LPA: variants seen among roughly 807,000 people sequenced by gnomAD.
LPA encodes the protein apolipoprotein(a).
In LPA, 199 loss-of-function variants were observed where a neutral mutation model predicts 197.9. The ratio of observed to expected loss-of-function variants is 1.01; its 90% CI spans 0.90 to 1.13. The LOEUF is 1.13. LPA is among the 50% of genes most tolerant of loss of function. The pLI, the probability that LPA is intolerant of heterozygous loss-of-function variation, is 0.00. For missense variants in LPA, 1,853 were observed against 1,785.8 expected (o/e 1.04, Z -0.68); for synonymous variants, 715 against 639.5 (o/e 1.12, Z -1.78).
intron 23 of LPA, among the ~76,000 whole-genome samples, chr6:160,590,154 G>T (rs565642190): frequency 1.3e-5 from 2 of 152,272 alleles, no homozygotes; most frequent in Admixed American, 1.3e-4. Context: ...TTAAGTTTCT[G>T]GAAGATGGGG....
At chr6:160,537,467 A>T (rs1777911630) in intron 37 of LPA, among the ~76,000 whole-genome samples, 1 of 152,214 alleles carries the variant, frequency 6.6e-6, no homozygotes, top group Admixed American at 6.5e-5. Flanking sequence ...TTCACATGAA[A>T]AATAATCTAA....
At chr6:160,589,872 G>C (rs144322028) in intron 23 of LPA, among the ~76,000 whole-genome samples, 160 bp from the exon 24 acceptor site, 9 of 152,208 alleles carry the variant, frequency 5.9e-5, no homozygotes, top group Admixed American at 4.6e-4. Context: ...AAAGCTCAAA[G>C]ATTCATAGCA....
At chr6:160,543,265 C>G (rs1778014373) in intron 33 of LPA, among the ~76,000 whole-genome samples, 1 of 152,156 alleles carries the variant, frequency 6.6e-6, no homozygotes, top group African/African-American at 2.4e-5. Flanking sequence ...CTCCTCCCTG[C>G]CTTCTCTCTG....
intron 1 of LPA, among the ~76,000 whole-genome samples, chr6:160,661,195 T>C (rs535655381): frequency 6.6e-6 from 1 of 152,334 alleles, no homozygotes; most frequent in East Asian, 1.9e-4. Flanking sequence ...CAAAAGAGGC[T>C]AATAAAATGA....
rs771903485 is a variant in LPA at position 160,553,954 on chromosome 6, T to TGTGTGTGTGTGC, written c.4973+2070_4973+2071insGCACACACACAC. 5.8e-3 allele frequency among the ~76,000 whole-genome samples: 753 copies of TGTGTGTGTGTGC among 130,782 alleles called. 12 individuals are homozygous for TGTGTGTGTGTGC. Among genetic ancestry groups the TGTGTGTGTGTGC allele is most frequent in the African/African-American group, 0.021 (681 of 33,062 alleles). 85.8% of individuals were successfully genotyped at this position (130,782 alleles called of 152,430 possible). A position where few individuals can be genotyped will look rare whatever the true frequency, so the allele number is the denominator to read the frequency against. On this transcript the variant is annotated intron_variant, in intron 30 of 38. Coordinates refer to ENST00000316300, the MANE Select transcript of LPA (RefSeq NM_005577.4). ...CTCTCTCTCTGTGTGTGTGTGTGTG[T>TGTGTGTGTGTGC]GCGCGCGCGCGCGTGTGCGTGTGTG...
chr6:160,534,097 A>ATTTT (rs758917475), intron 37 of LPA, among the ~76,000 whole-genome samples: 1,620 of 143,634 alleles, frequency 0.011, 16 homozygotes, highest in Non-Finnish European at 0.018. Context: ...GTGTCAGAAA[A>ATTTT]CTGACACCGA....
chr6:160,553,725 T>C (rs1224828039), intron 30 of LPA, among the ~76,000 whole-genome samples: 2 of 152,228 alleles, frequency 1.3e-5, no homozygotes, highest in Non-Finnish European at 2.9e-5. Context: ...TCATTGAGCT[T>C]CTTGACTGTG....
intron 28 of LPA, among the ~76,000 whole-genome samples, chr6:160,567,028 C>T (rs894198682): frequency 6.6e-6 from 1 of 152,132 alleles, no homozygotes; most frequent in African/African-American, 2.4e-5. Context: ...GACTTAGACT[C>T]CCACACAATA....
intron 28 of LPA, among the ~76,000 whole-genome samples, chr6:160,562,925 ATTC>A (rs1398688334): frequency 1.3e-5 from 2 of 151,954 alleles, no homozygotes; most frequent in African/African-American, 4.8e-5. Flanking sequence ...CCCCTTTATT[ATTC>A]TTTATTGTGT....
chr6:160,663,992 AC>A lies in LPA; in HGVS notation c.49+173del, dbSNP rs41269846. On this transcript the variant is annotated intron_variant, in intron 1 of 38. Transcript: ENST00000316300. ...TCATTCCAGCACCGTGACAGTCTTC[AC>A]GGGGAAATTAAACTTATTTTTTTAA... Among the ~76,000 whole-genome samples the A allele has an allele frequency of 3.7e-3, 567 of 152,346 alleles. 3 individuals carry two copies. The highest frequency in any genetic ancestry group is 0.013 in the African/African-American group (535 of 41,580).
Position 160,586,724 on chromosome 6 carries a change from A to C in LPA, c.3948-94T>G, listed in dbSNP as rs1778919701. On this transcript the variant is annotated intron_variant, in intron 24 of 38. Transcript: ENST00000316300. ...TGTTTTCTTGTAACAAAGTGTAAAC[A>C]AGCAAATTTGAAATATTCTCACTAA... 4 of 1,567,686 alleles carry C rather than the reference A, an allele frequency of 2.6e-6. No individual in the cohort carries two copies. In the African/African-American group the frequency reaches 4.1e-5, roughly 16 times the overall value.
At chr6:160,553,537 T>C (rs892197609) in intron 30 of LPA, among the ~76,000 whole-genome samples, 1 of 152,204 alleles carries the variant, frequency 6.6e-6, no homozygotes, top group Non-Finnish European at 1.5e-5. Flanking sequence ...TTAAAGATGT[T>C]ATGCCATTGT....
intron 28 of LPA, among the ~76,000 whole-genome samples, chr6:160,574,214 T>C (rs1002031931): frequency 2.0e-5 from 3 of 151,824 alleles, no homozygotes; most frequent in African/African-American, 4.8e-5. Context: ...CCAGCACCCA[T>C]GCAAACTGAA....
intron 28 of LPA, among the ~76,000 whole-genome samples, chr6:160,558,529 A>T (rs1778307863): frequency 6.6e-6 from 1 of 152,204 alleles, no homozygotes; most frequent in African/African-American, 2.4e-5. Context: ...CCCAGACAGG[A>T]TGCCATTTCT....
At position 160,548,544 on chromosome 6, in the gene LPA, C is replaced by A; in HGVS notation, c.5089G>T (p.Glu1697Ter). Residue 1697 changes from glutamate (E) to a stop codon, truncating the protein, a stop_gained, in exon 31 of 39, where the codon GAA becomes TAA. Transcript: ENST00000316300. LOFTEE classifies it high-confidence loss of function. ...YCNLTRCSDT[E>*]GTVVAPPTVI... ...GTCGGAGGAGCGACCACAGTCCCTTCTGTGTCTGAGCATCGCGTCAGGTTG... is the reference window on the plus strand; with the variant it reads ...GTCGGAGGAGCGACCACAGTCCCTTATGTGTCTGAGCATCGCGTCAGGTTG... 1 of 1,614,150 alleles carries A rather than the reference C, an allele frequency of 6.2e-7. No homozygotes were observed. The highest frequency in any genetic ancestry group is 1.1e-5 in the South Asian group (1 of 91,078).
At chr6:160,657,620 A>G (rs1300745908) in intron 1 of LPA, among the ~76,000 whole-genome samples, 2 of 151,906 alleles carry the variant, frequency 1.3e-5, no homozygotes, top group Non-Finnish European at 2.9e-5. Context: ...AATTGTCTCA[A>G]TCTCCTGATC....
At chr6:160,538,767 C>T (rs1469924979) in intron 36 of LPA, among the ~76,000 whole-genome samples, 2 of 152,152 alleles carry the variant, frequency 1.3e-5, no homozygotes, top group African/African-American at 2.4e-5. Flanking sequence ...CCTCATGGAG[C>T]ACTAAATGCC....
In LPA at chr6:160,611,578, C is replaced by G; in HGVS notation, c.2587G>C (p.Glu863Gln). 1 of 1,605,650 alleles carries G rather than the reference C, an allele frequency of 6.2e-7. No homozygotes were observed. The change falls in exon 16 of 39, where the codon GAA (glutamate) becomes CAA (glutamine). Residue 863 changes from glutamate (E) to glutamine (Q), a missense_variant. Glu to Gln is a conservative substitution (Grantham distance 29). Coordinates refer to ENST00000316300, the MANE Select transcript of LPA (RefSeq NM_005577.4). Reference protein sequence around the residue: ...MTPHSHSRTPEYYPNAGLIMN... With the variant: ...MTPHSHSRTPQYYPNAGLIMN... ...AAGACATACGCATTTGGGTAGTATT[C>G]TGGGGTCCGACTATGCGAGTGTGGT...
chr6:160,540,361 A>G (rs1777962137), intron 35 of LPA, among the ~76,000 whole-genome samples, 178 bp from the exon 36 acceptor site: 1 of 152,214 alleles, frequency 6.6e-6, no homozygotes, highest in Non-Finnish European at 1.5e-5. Context: ...TCTGTTCTCA[A>G]TCTGTTTCAT....
Sources: gnomAD v4.1 joint callset for allele counts (sites outside exome capture counted in the v4.1 genomes callset) on GRCh38, gnomAD v4.1.1 for gene constraint, MANE v1.5 for transcripts, NCBI Gene and HGNC (gene_info 2026-07-23, HGNC 2026-07-21) for gene names.